Variants in RAC1 observed in about 807,000 individuals in gnomAD.
RAC1 encodes the protein Rac family small GTPase 1.
Under a neutral mutation model 25.2 loss-of-function variants are expected in RAC1, and 2 were observed. That is an observed-to-expected ratio of 0.08 (90% CI 0.03 to 0.25). The LOEUF is 0.25. RAC1 is among the 10% of genes least tolerant of loss of function. The pLI is 1.00. For missense variants in RAC1, 50 were observed against 235.7 expected (o/e 0.21, Z 5.16); for synonymous variants, 88 against 94.0 (o/e 0.94, Z 0.37).
intron 3 of RAC1, among the ~76,000 whole-genome samples, chr7:6,393,936 C>A (rs1783158302): frequency 6.6e-6 from 1 of 152,138 alleles, no homozygotes; most frequent in African/African-American, 2.4e-5. Context: ...AGGTCTCATC[C>A]CTTTGAGCCA....
intron 2 of RAC1, among the ~76,000 whole-genome samples, chr7:6,389,652 C>G (rs1783030445): frequency 6.6e-6 from 1 of 151,996 alleles, no homozygotes; most frequent in Non-Finnish European, 1.5e-5. Context: ...TGCACTCCAG[C>G]CTGGGCAACA....
intron 1 of RAC1, among the ~76,000 whole-genome samples, chr7:6,378,842 C>T (rs1782681385): frequency 6.6e-6 from 1 of 152,150 alleles, no homozygotes; most frequent in South Asian, 2.1e-4. Context: ...AATCCCAGAA[C>T]TTTGGGAGGC....
intron 1 of RAC1, among the ~76,000 whole-genome samples, chr7:6,379,268 A>ATTTT (rs768891793): frequency 6.6e-5 from 7 of 105,758 alleles, no homozygotes; most frequent in Admixed American, 1.1e-4. Flanking sequence ...TGCCGAGGTA[A>ATTTT]TTTTTTTTTT....
In RAC1 at chr7:6,391,767, C is replaced by T. The variant is rs565865963; in HGVS notation, c.108-157C>T. Reference sequence around the variant, plus strand: ...TGGTTTGTTTCCCGCAAGTTTTGCCCGTGCCGCCTTCCTCCTTGTGCCTGC... The same window carrying T: ...TGGTTTGTTTCCCGCAAGTTTTGCCTGTGCCGCCTTCCTCCTTGTGCCTGC... On this transcript the variant is annotated intron_variant, in intron 2 of 5. Coordinates refer to ENST00000348035, the MANE Select transcript of RAC1 (RefSeq NM_006908.5). Among the ~76,000 whole-genome samples the T allele has an allele frequency of 9.2e-5, 14 of 152,186 alleles. No homozygotes were observed. The South Asian group carries it at 2.7e-3, about 29-fold the overall frequency.
chr7:6,379,437 CTAATTTCGTATTTTTAATAG>C (rs1015054800), intron 1 of RAC1, among the ~76,000 whole-genome samples: 7 of 151,882 alleles, frequency 4.6e-5, no homozygotes, highest in Admixed American at 3.9e-4. Flanking sequence ...ACCACACTGA[CTAATTTCGTATTTTTAATAG>C]AGACGAGGTT....
chr7:6,385,021 G>C (rs1375005079), intron 1 of RAC1, among the ~76,000 whole-genome samples: 2 of 151,918 alleles, frequency 1.3e-5, no homozygotes, highest in African/African-American at 4.8e-5. Flanking sequence ...GGCCCAGCTG[G>C]TCTTGAACTC....
chr7:6,389,829 T>C lies in RAC1; in HGVS notation c.108-2095T>C, dbSNP rs35448997. ...GCGTGAGCCACCACACCTGGCTCTT[T>C]TGAATGTTTACTGTACATTTTTAGT... On this transcript the variant is annotated intron_variant, in intron 2 of 5. Coordinates refer to ENST00000348035, the MANE Select transcript of RAC1 (RefSeq NM_006908.5). 9.1e-3 allele frequency among the ~76,000 whole-genome samples: 1,392 copies of C among 152,310 alleles called. 28 individuals are homozygous for C. Among genetic ancestry groups the C allele is most frequent in the African/African-American group, 0.032 (1,345 of 41,554 alleles).
chr7:6,400,775 A>G (rs1185113833), intron 4 of RAC1, among the ~76,000 whole-genome samples: 1 of 152,076 alleles, frequency 6.6e-6, no homozygotes, highest in East Asian at 1.9e-4. Context: ...TCCTGGGTTC[A>G]AGTGATTCTC....
In RAC1 at chr7:6,394,600, G is replaced by C. The variant is rs1783174924; in HGVS notation, c.225+2559G>C. ...TGTGCAGCGGGTTCGCTGAGATGCT[G>C]AGCCTCCATGTTGGGGTCAGCCAGG... On this transcript the variant is annotated intron_variant, in intron 3 of 5. Transcript: ENST00000348035. 2.0e-5 allele frequency among the ~76,000 whole-genome samples: 3 copies of C among 152,182 alleles called. 1 individual carries two copies. The South Asian group carries it at 6.2e-4, about 31-fold the overall frequency.
chr7:6,398,780 T>C, intron 3 of RAC1: 1 of 1,499,004 alleles, frequency 6.7e-7, no homozygotes, highest in Non-Finnish European at 9.2e-7. Flanking sequence ...TTTCACTTCG[T>C]TTTCCTAGGA....
chr7:6,401,197 C>T (rs941410156), intron 4 of RAC1, among the ~76,000 whole-genome samples: 5 of 152,168 alleles, frequency 3.3e-5, no homozygotes, highest in African/African-American at 7.2e-5. Flanking sequence ...CTCAAGTGAT[C>T]CACCCGCCGC....
chr7:6,377,498 G>A (rs932703315), intron 1 of RAC1, among the ~76,000 whole-genome samples: 3 of 152,186 alleles, frequency 2.0e-5, no homozygotes, highest in Admixed American at 6.5e-5. Flanking sequence ...GGAGGCTAAG[G>A]TGGGAGGATC....
At chr7:6,396,503 C>T (rs1424671343) in intron 3 of RAC1, among the ~76,000 whole-genome samples, 1 of 152,092 alleles carries the variant, frequency 6.6e-6, no homozygotes, top group Non-Finnish European at 1.5e-5. Context: ...TCGCTCCTGT[C>T]GTGTGTGTCT....
At chr7:6,390,026 A>ACTCCTTCC (rs139997631) in intron 2 of RAC1, among the ~76,000 whole-genome samples, 20 of 71,180 alleles carry the variant, frequency 2.8e-4, no homozygotes, top group African/African-American at 8.3e-4. Context: ...CTCCTCTCCT[A>ACTCCTTCC]CTCCTTCCCT....
intron 2 of RAC1, among the ~76,000 whole-genome samples, chr7:6,390,084 C>T (rs1783047690): frequency 8.5e-6 from 1 of 117,614 alleles, no homozygotes; most frequent in African/African-American, 3.6e-5. Flanking sequence ...CCCTTGCTCC[C>T]TCCCTCCCTC....
chr7:6,375,915 A>AG (rs1213818165), intron 1 of RAC1: 3 of 152,038 alleles, frequency 2.0e-5, no homozygotes, highest in African/African-American at 4.8e-5. Context: ...TTGCTTGTAT[A>AG]GGTTAGTGTT....
Position 6,396,750 on chromosome 7 carries a change from G to C in RAC1, c.226-3376G>C, listed in dbSNP as rs182814088. ...ATGTTAAGTCAGGAAAGCTTGAGTG[G>C]CCTGGCACGGTGGCTCACGCCTGTA... On this transcript the variant is annotated intron_variant, in intron 3 of 5. Transcript: ENST00000348035. Among the ~76,000 whole-genome samples, 132 of 152,280 alleles carry C rather than the reference G, an allele frequency of 8.7e-4. 1 individual carries two copies. The highest frequency in any genetic ancestry group is 1.7e-3 in the Non-Finnish European group (114 of 68,020).
chr7:6,384,084 C>G (rs1400484638), intron 1 of RAC1, among the ~76,000 whole-genome samples: 1 of 151,946 alleles, frequency 6.6e-6, no homozygotes, highest in Non-Finnish European at 1.5e-5. Context: ...TGTGAGCCAC[C>G]GAGCCCAGCC....
At chr7:6,393,370 G>A (rs1783142213) in intron 3 of RAC1, among the ~76,000 whole-genome samples, 2 of 152,270 alleles carry the variant, frequency 1.3e-5, no homozygotes, top group South Asian at 4.1e-4. Flanking sequence ...TAGAGTAGGA[G>A]ACTTCAGCCC....
Sources: allele counts gnomAD v4.1 joint callset (sites outside exome capture counted in the v4.1 genomes callset), GRCh38; gene constraint gnomAD v4.1.1; transcripts MANE v1.5; gene names NCBI Gene and HGNC (gene_info 2026-07-23, HGNC 2026-07-21).